Variants in UVRAG observed in about 807,000 individuals in gnomAD.
The protein encoded by UVRAG is UV radiation resistance-associated gene protein.
UVRAG carries 19 observed loss-of-function variants against 78.0 expected under a neutral mutation model. The ratio of observed to expected loss-of-function variants is 0.24; its 90% CI spans 0.17 to 0.36. The LOEUF (loss-of-function observed/expected upper bound fraction) is 0.36. UVRAG is among the 10% of genes least tolerant of loss of function. The pLI is 1.00. For missense variants in UVRAG, 740 were observed against 853.8 expected (o/e 0.87, Z 1.66); for synonymous variants, 323 against 324.6 (o/e 1.00, Z 0.05).
At chr11:75,982,106 G>C (rs1414980471) in intron 7 of UVRAG, among the ~76,000 whole-genome samples, 5 of 152,028 alleles carry the variant, frequency 3.3e-5, no homozygotes, top group Non-Finnish European at 7.4e-5. Flanking sequence ...AGTGGTTTTT[G>C]ATTGAAACTT....
In UVRAG at chr11:76,016,990, T is replaced by G; in HGVS notation, c.1226+10T>G. 1.9e-6 allele frequency: 3 copies of G among 1,562,238 alleles called. No homozygotes were observed. In the Middle Eastern group the frequency reaches 5.2e-4, roughly 269 times the overall value. On this transcript the variant is annotated intron_variant, in intron 12 of 14. Transcript: ENST00000356136. ...CGGAAAAGGAGAGAGAGTAAGTGTCTTTTTTTTAAAAAAATGATTTTAACA... is the reference window on the plus strand; with the variant it reads ...CGGAAAAGGAGAGAGAGTAAGTGTCGTTTTTTTAAAAAAATGATTTTAACA...
At chr11:75,830,989 A>G (rs1178436737) in intron 1 of UVRAG, among the ~76,000 whole-genome samples, 1 of 152,188 alleles carries the variant, frequency 6.6e-6, no homozygotes, top group African/African-American at 2.4e-5. Context: ...TGTGTGCCTC[A>G]GGGAGACTCA....
chr11:75,958,426 G>A (rs1460694209), intron 6 of UVRAG, among the ~76,000 whole-genome samples: 1 of 152,034 alleles, frequency 6.6e-6, no homozygotes, highest in African/African-American at 2.4e-5. Flanking sequence ...TCTTCACCAG[G>A]AGTAGATTCT....
intron 5 of UVRAG, among the ~76,000 whole-genome samples, chr11:75,890,748 T>C (rs1947197234): frequency 6.6e-6 from 1 of 152,086 alleles, no homozygotes; most frequent in Non-Finnish European, 1.5e-5. Context: ...TAAGATGGAC[T>C]AGGAACAGGC....
At chr11:75,841,992 G>A (rs1222932954) in intron 1 of UVRAG, among the ~76,000 whole-genome samples, 1 of 152,180 alleles carries the variant, frequency 6.6e-6, no homozygotes, top group African/African-American at 2.4e-5. Flanking sequence ...CGAGCCTCAG[G>A]ACATGGTCAC....
At chr11:76,095,972 A>T (rs779691021) in intron 13 of UVRAG, among the ~76,000 whole-genome samples, 7 of 152,136 alleles carry the variant, frequency 4.6e-5, no homozygotes, top group Non-Finnish European at 7.3e-5. Flanking sequence ...AAAAACTGTA[A>T]ACAAAAATAT....
At chr11:76,115,201 G>C (rs1952154644) in intron 13 of UVRAG, among the ~76,000 whole-genome samples, 1 of 152,180 alleles carries the variant, frequency 6.6e-6, no homozygotes, top group Non-Finnish European at 1.5e-5. Context: ...AGAGTACTCA[G>C]AAGGACACTT....
intron 6 of UVRAG, among the ~76,000 whole-genome samples, chr11:75,955,112 G>A (rs1004691583): frequency 6.6e-6 from 1 of 152,124 alleles, no homozygotes; most frequent in African/African-American, 2.4e-5. Flanking sequence ...TGTCAGCAGG[G>A]TCTACATCAC....
chr11:75,870,346 C>T (rs1342514669), intron 3 of UVRAG, among the ~76,000 whole-genome samples: 1 of 152,162 alleles, frequency 6.6e-6, no homozygotes, highest in Non-Finnish European at 1.5e-5. Context: ...CTTCCCTGTC[C>T]TCCAGAGGCA....
intron 6 of UVRAG, among the ~76,000 whole-genome samples, chr11:75,926,977 G>A (rs1236402505): frequency 6.6e-6 from 1 of 151,874 alleles, no homozygotes; most frequent in African/African-American, 2.4e-5. Flanking sequence ...TAAAGCAAGT[G>A]TATGGATTGC....
At chr11:75,906,495 G>A (rs1322711580) in intron 5 of UVRAG, among the ~76,000 whole-genome samples, 1 of 151,932 alleles carries the variant, frequency 6.6e-6, no homozygotes, top group Non-Finnish European at 1.5e-5. Flanking sequence ...TTACAAGCGC[G>A]TGCCATCATG....
At chr11:76,007,454 GATTA>G in intron 9 of UVRAG, 76 bp from the exon 10 acceptor site, 1 of 1,120,760 alleles carries the variant, frequency 8.9e-7, no homozygotes. Flanking sequence ...TCTTTCTTTG[GATTA>G]ATTGTGTGGA....
chr11:76,052,724 T>C (rs533276790), intron 12 of UVRAG, among the ~76,000 whole-genome samples: 1 of 152,234 alleles, frequency 6.6e-6, no homozygotes, highest in South Asian at 2.1e-4. Flanking sequence ...CTCATATCTT[T>C]TAACCAGTCC....
In UVRAG at chr11:76,020,127, G is replaced by A. The variant is rs186988168; in HGVS notation, c.1226+3147G>A. 2.0e-4 allele frequency among the ~76,000 whole-genome samples: 31 copies of A among 152,206 alleles called. No homozygotes were observed. In the East Asian group the frequency reaches 4.8e-3, roughly 24 times the overall value. On this transcript the variant is annotated intron_variant, in intron 12 of 14. Coordinates refer to ENST00000356136, the MANE Select transcript of UVRAG (RefSeq NM_003369.4). ...CTTGGCCACCATCACCTAGACCCAC[G>A]GTGGGTACTGTCAGGCTATCACTGA...
chr11:76,127,634 C>CAAA (rs36010618), intron 14 of UVRAG, among the ~76,000 whole-genome samples: 3 of 82,914 alleles, frequency 3.6e-5, no homozygotes, highest in Admixed American at 1.5e-4. Context: ...AACTCCGTCT[C>CAAA]AAAAAAAAAA....
intron 8 of UVRAG, among the ~76,000 whole-genome samples, chr11:75,988,898 T>A (rs1314022014): frequency 6.6e-6 from 1 of 152,222 alleles, no homozygotes; most frequent in Non-Finnish European, 1.5e-5. Flanking sequence ...TCATCTGTTT[T>A]TTGGAAAGTG....
intron 13 of UVRAG, among the ~76,000 whole-genome samples, chr11:76,114,034 C>T (rs765304006): frequency 4.2e-4 from 64 of 151,966 alleles, no homozygotes; most frequent in Admixed American, 5.2e-4. Context: ...TGTCTGTGTA[C>T]TCACTCGGAG....
At chr11:75,887,982 A>G (rs1276714642) in intron 4 of UVRAG, among the ~76,000 whole-genome samples, 4 of 152,236 alleles carry the variant, frequency 2.6e-5, no homozygotes, top group African/African-American at 9.6e-5. Flanking sequence ...AGTGGTTTGC[A>G]GACAATAATA....
In UVRAG at chr11:76,003,884, A is replaced by G. The variant is rs1949870890; in HGVS notation, c.827-121A>G. 24 of 892,752 alleles carry G rather than the reference A, an allele frequency of 2.7e-5. No homozygotes were observed. In the South Asian group the frequency reaches 3.4e-4, roughly 13 times the overall value. 55.3% of individuals were successfully genotyped at this position (892,752 alleles called of 1,614,324 possible). A position where few individuals can be genotyped will look rare whatever the true frequency, so the allele number is the denominator to read the frequency against. On this transcript the variant is annotated intron_variant, in intron 8 of 14. Transcript: ENST00000356136. ...TCTCCCCAAAAAATCTCTGTACTCA[A>G]CCCACTTTCCCTAACTCTTTTTATT...
Sources: allele counts gnomAD v4.1 joint callset (sites outside exome capture counted in the v4.1 genomes callset), GRCh38; gene constraint gnomAD v4.1.1; transcripts MANE v1.5; gene names NCBI Gene and HGNC (gene_info 2026-07-23, HGNC 2026-07-21).